The following PLCL1 variants were observed in gnomAD, a reference collection of about 807,000 sequenced individuals.
The protein encoded by PLCL1 is inactive phospholipase C-like protein 1.
PLCL1 carries 41 observed loss-of-function variants against 84.4 expected under a neutral mutation model. That is an observed-to-expected ratio of 0.49 (90% CI 0.38 to 0.63). The LOEUF is 0.63. Among genes scored for constraint, PLCL1 ranks in the 30% least tolerant of loss-of-function variants. PLCL1 has a pLI of 0.00. For missense variants in PLCL1, 1,206 were observed against 1,367.8 expected (o/e 0.88, Z 1.87); for synonymous variants, 490 against 488.3 (o/e 1.00, Z -0.05).
chr2:198,022,432 GT>G (rs1448071229), intron 1 of PLCL1, among the ~76,000 whole-genome samples: 3 of 152,070 alleles, frequency 2.0e-5, no homozygotes, highest in Non-Finnish European at 4.4e-5. Context: ...AATAAGGGGT[GT>G]TCAAATAGGA....
chr2:198,079,931 A>T (rs4417706), intron 1 of PLCL1, among the ~76,000 whole-genome samples: 77,142 of 151,654 alleles, frequency 0.51, 20,265 homozygotes, highest in Middle Eastern at 0.64. Flanking sequence ...TAATAAATTT[A>T]AAGCGTTTGT....
chr2:198,043,327 A>G (rs1376975491), intron 1 of PLCL1, among the ~76,000 whole-genome samples: 1 of 152,212 alleles, frequency 6.6e-6, no homozygotes, highest in Non-Finnish European at 1.5e-5. Context: ...TTCCTCTGAA[A>G]TTGGAGGCAG....
intron 1 of PLCL1, among the ~76,000 whole-genome samples, chr2:197,867,236 G>A (rs1396046639): frequency 6.6e-6 from 1 of 152,072 alleles, no homozygotes; most frequent in Non-Finnish European, 1.5e-5. Context: ...TGATGTGGGC[G>A]GTGATCTCAT....
chr2:197,894,785 TAA>T (rs1260660601), intron 1 of PLCL1, among the ~76,000 whole-genome samples: 1 of 151,950 alleles, frequency 6.6e-6, no homozygotes, highest in Admixed American at 6.6e-5. Context: ...AAGTGAAATG[TAA>T]AGAGAAGTTT....
intron 1 of PLCL1, chr2:198,001,812 C>T (rs991201773): frequency 1.6e-5 from 3 of 182,016 alleles, no homozygotes; most frequent in African/African-American, 7.1e-5. Context: ...GCTCTGCCTC[C>T]TGTCAGATCA....
rs544582601 is a variant in PLCL1 at position 198,038,548 on chromosome 2, A to G, written c.241-45210A>G. Among the ~76,000 whole-genome samples, 8 of 152,204 alleles carry G rather than the reference A, an allele frequency of 5.3e-5. No individual in the cohort carries two copies. The South Asian group carries it at 1.2e-3, about 24-fold the overall frequency. On this transcript the variant is annotated intron_variant, in intron 1 of 5. Coordinates refer to ENST00000428675, the MANE Select transcript of PLCL1 (RefSeq NM_006226.4). ...AATAAATAATATTTGATTTCTATCT[A>G]TGTTCTCTTAGGCTTGGTCCCATGG...
At chr2:197,857,120 T>G (rs1687343760) in intron 1 of PLCL1, among the ~76,000 whole-genome samples, 3 of 151,982 alleles carry the variant, frequency 2.0e-5, no homozygotes, top group Admixed American at 2.0e-4. Flanking sequence ...ATCCTGCACA[T>G]GTACCCCTGA....
In PLCL1 at chr2:197,884,183, C is replaced by G. The variant is rs187978291; in HGVS notation, c.240+78844C>G. On this transcript the variant is annotated intron_variant, in intron 1 of 5. Coordinates refer to ENST00000428675, the MANE Select transcript of PLCL1 (RefSeq NM_006226.4). ...AGTCCAGAGATAGACGGTCTAGCACCGGTACATCTGCTTCCTGAAATGACC... is the reference window on the plus strand; with the variant it reads ...AGTCCAGAGATAGACGGTCTAGCACGGGTACATCTGCTTCCTGAAATGACC... Among the ~76,000 whole-genome samples the G allele has an allele frequency of 1.1e-4, 16 of 152,294 alleles. No homozygotes were observed. The East Asian group carries it at 2.9e-3, about 28-fold the overall frequency.
intron 1 of PLCL1, among the ~76,000 whole-genome samples, chr2:198,026,338 T>C (rs902400783): frequency 6.6e-6 from 1 of 152,256 alleles, no homozygotes. Flanking sequence ...TTATGGAGTC[T>C]ATTTTTCATG....
At chr2:198,046,729 C>A (rs560890705) in intron 1 of PLCL1, among the ~76,000 whole-genome samples, 65 of 152,182 alleles carry the variant, frequency 4.3e-4, no homozygotes, top group Middle Eastern at 3.4e-3. Context: ...GCCCCAGCTA[C>A]TTGGGAGGCT....
chr2:197,919,070 A>G (rs1688657468), intron 1 of PLCL1, among the ~76,000 whole-genome samples: 1 of 152,176 alleles, frequency 6.6e-6, no homozygotes, highest in Non-Finnish European at 1.5e-5. Context: ...ATAATGAAGG[A>G]ACAAGGCAGA....
intron 1 of PLCL1, among the ~76,000 whole-genome samples, chr2:197,857,634 G>A (rs1460977899): frequency 6.6e-6 from 1 of 152,126 alleles, no homozygotes; most frequent in Non-Finnish European, 1.5e-5. Flanking sequence ...TTCTAGTGAA[G>A]GTCATTTGAA....
At chr2:197,832,863 A>T (rs1691097900) in intron 1 of PLCL1, among the ~76,000 whole-genome samples, 1 of 152,238 alleles carries the variant, frequency 6.6e-6, no homozygotes, top group Non-Finnish European at 1.5e-5. Flanking sequence ...CAAATCAATA[A>T]ATGTAATCCA....
At chr2:197,925,720 T>C (rs1688818375) in intron 1 of PLCL1, among the ~76,000 whole-genome samples, 1 of 152,116 alleles carries the variant, frequency 6.6e-6, no homozygotes, top group South Asian at 2.1e-4. Flanking sequence ...CTTTTCTCCA[T>C]GCACTCACTA....
chr2:197,861,324 C>T (rs1006183323), intron 1 of PLCL1, among the ~76,000 whole-genome samples: 1 of 152,148 alleles, frequency 6.6e-6, no homozygotes, highest in African/African-American at 2.4e-5. Flanking sequence ...TAGCTGACCA[C>T]ATGAAGGTTT....
At chr2:198,037,198 A>G (rs1691569567) in intron 1 of PLCL1, among the ~76,000 whole-genome samples, 1 of 152,234 alleles carries the variant, frequency 6.6e-6, no homozygotes, top group African/African-American at 2.4e-5. Context: ...ATCCATTGCT[A>G]GCATACATTA....
chr2:198,060,675 C>CT (rs1692174971), intron 1 of PLCL1, among the ~76,000 whole-genome samples: 2 of 152,140 alleles, frequency 1.3e-5, no homozygotes. Context: ...TTCTATAGAA[C>CT]TTTTTGATTA....
At chr2:197,912,507 C>A (rs7426237) in intron 1 of PLCL1, among the ~76,000 whole-genome samples, 40,502 of 150,648 alleles carry the variant, frequency 0.27, 6,475 homozygotes, top group East Asian at 0.5. Flanking sequence ...ATGTTTATTG[C>A]GGCATTATTC....
intron 1 of PLCL1, among the ~76,000 whole-genome samples, chr2:198,026,115 G>A (rs1451381394): frequency 1.3e-5 from 2 of 152,132 alleles, no homozygotes; most frequent in Admixed American, 6.6e-5. Context: ...AGGTGGTGGT[G>A]TATGCATTGG....
Sources: gnomAD v4.1 joint callset for allele counts (sites outside exome capture counted in the v4.1 genomes callset) on GRCh38, gnomAD v4.1.1 for gene constraint, MANE v1.5 for transcripts, NCBI Gene and HGNC (gene_info 2026-07-23, HGNC 2026-07-21) for gene names.